Variants in PTPN14 observed in about 807,000 individuals in gnomAD.
PTPN14 encodes the protein protein tyrosine phosphatase non-receptor type 14.
In PTPN14, 53 loss-of-function variants were observed where a neutral mutation model predicts 126.8. That is an observed-to-expected ratio of 0.42 (90% CI 0.34 to 0.53). The LOEUF (loss-of-function observed/expected upper bound fraction) is 0.53, where lower values mean the gene tolerates loss of function less well. Ranked by LOEUF, PTPN14 falls within the 20% of genes least tolerant of loss-of-function variation. PTPN14 has a pLI of 0.08. For synonymous variants in PTPN14, 630 were observed against 599.3 expected (o/e 1.05, Z -0.75); for missense variants, 1,257 against 1,552.9 (o/e 0.81, Z 3.20).
intron 1 of PTPN14, among the ~76,000 whole-genome samples, chr1:214,486,110 G>T (rs894158873): frequency 6.6e-6 from 1 of 152,114 alleles, no homozygotes; most frequent in South Asian, 2.1e-4. Flanking sequence ...TACTCTGCAG[G>T]CAGGGGTAGA....
At chr1:214,415,107 GCATTCTAGAAACACATCA>G (rs1358233064) in intron 3 of PTPN14, among the ~76,000 whole-genome samples, 1 of 152,200 alleles carries the variant, frequency 6.6e-6, no homozygotes. Flanking sequence ...GTTCCTGAAT[GCATTCTAGAAACACATCA>G]CCTTTCAAAC....
At chr1:214,463,172 G>GTGAC (rs1660549793) in intron 2 of PTPN14, among the ~76,000 whole-genome samples, 1 of 152,180 alleles carries the variant, frequency 6.6e-6, no homozygotes, top group Admixed American at 6.5e-5. Flanking sequence ...TCTAATTTGA[G>GTGAC]TGACTGGAAG....
chr1:214,428,770 C>T (rs1028918189), intron 3 of PTPN14, among the ~76,000 whole-genome samples: 3 of 152,128 alleles, frequency 2.0e-5, no homozygotes, highest in African/African-American at 7.2e-5. Context: ...CTGGAAGGCC[C>T]AAATAAAGGG....
chr1:214,476,639 G>A (rs915581290), intron 1 of PTPN14, among the ~76,000 whole-genome samples: 48 of 152,072 alleles, frequency 3.2e-4, no homozygotes, highest in African/African-American at 1.0e-3. Context: ...AGCTTCCCTG[G>A]GAATGTCGCC....
chr1:214,355,561 A>G lies in PTPN14; in HGVS notation c.*2361T>C, dbSNP rs532643926. ...TAATGGGTTTCTTTCCAGGACATAC[A>G]ACAAAACTCCAGAATCTACAAAGAT... is the stretch of plus-strand genomic sequence containing the variant. On this transcript the variant is annotated 3_prime_UTR_variant, in exon 19 of 19. Transcript: ENST00000366956. 6.6e-6 allele frequency: 1 copy of G among 152,316 alleles called. No individual in the cohort carries two copies. Among genetic ancestry groups the G allele is most frequent in the African/African-American group, 2.4e-5 (1 of 41,574 alleles). 9.4% of individuals were successfully genotyped at this position (152,316 alleles called of 1,614,324 possible).
At chr1:214,379,767 T>C (rs1658430294) in intron 13 of PTPN14, among the ~76,000 whole-genome samples, 1 of 152,210 alleles carries the variant, frequency 6.6e-6, no homozygotes, top group African/African-American at 2.4e-5. Flanking sequence ...CTACTTCAAG[T>C]CTTCCTGCCT....
At chr1:214,485,812 G>A (rs1018879212) in intron 1 of PTPN14, among the ~76,000 whole-genome samples, 2 of 151,686 alleles carry the variant, frequency 1.3e-5, no homozygotes, top group Non-Finnish European at 2.9e-5. Context: ...TGCAAGCTCC[G>A]CCTCCCGGGT....
intron 1 of PTPN14, among the ~76,000 whole-genome samples, chr1:214,535,636 G>A (rs1173879665): frequency 7.2e-5 from 11 of 151,930 alleles, no homozygotes; most frequent in African/African-American, 2.2e-4. Context: ...AAAATTAGCC[G>A]GGCCTGGTGG....
chr1:214,518,919 G>A (rs1394386026), intron 1 of PTPN14, among the ~76,000 whole-genome samples: 2 of 152,164 alleles, frequency 1.3e-5, no homozygotes, highest in East Asian at 1.9e-4. Flanking sequence ...TTTTAGGTAT[G>A]TTGGCTTTAA....
At chr1:214,432,397 C>T (rs1659816110) in intron 3 of PTPN14, among the ~76,000 whole-genome samples, 2 of 152,162 alleles carry the variant, frequency 1.3e-5, no homozygotes, top group South Asian at 4.1e-4. Context: ...CTTTTCATTT[C>T]GCTGGCAGTA....
At chr1:214,380,629 C>A (rs975014694) in intron 13 of PTPN14, among the ~76,000 whole-genome samples, 2 of 152,198 alleles carry the variant, frequency 1.3e-5, no homozygotes, top group Non-Finnish European at 2.9e-5. Flanking sequence ...ACCATACCTG[C>A]ACACCCCGCC....
intron 3 of PTPN14, among the ~76,000 whole-genome samples, chr1:214,444,738 G>C (rs796751175): frequency 1.3e-5 from 2 of 152,146 alleles, no homozygotes; most frequent in African/African-American, 4.8e-5. Context: ...CACACACACA[G>C]AGAGACACAC....
At chr1:214,425,700 T>G (rs1018194063) in intron 3 of PTPN14, among the ~76,000 whole-genome samples, 4 of 152,250 alleles carry the variant, frequency 2.6e-5, no homozygotes, top group African/African-American at 7.2e-5. Context: ...TCAAAAGCTT[T>G]GGAAGAACTG....
At chr1:214,503,858 A>G (rs1321661771) in intron 1 of PTPN14, among the ~76,000 whole-genome samples, 2 of 152,178 alleles carry the variant, frequency 1.3e-5, no homozygotes, top group Non-Finnish European at 2.9e-5. Context: ...CTTTTTGTTT[A>G]TTTATTTTAG....
chr1:214,375,860 C>T lies in PTPN14; in HGVS notation c.2907+359G>A, dbSNP rs889695964. ...ACATGACACTTTTATGTCAGTAACG[C>T]AATACCTGTAACTTCCAAAGTCTCC... On this transcript the variant is annotated intron_variant, in intron 15 of 18. Coordinates refer to ENST00000366956, the MANE Select transcript of PTPN14 (RefSeq NM_005401.5). 2.6e-5 allele frequency among the ~76,000 whole-genome samples: 4 copies of T among 152,186 alleles called. No individual in the cohort carries two copies. The South Asian group carries it at 8.3e-4, about 32-fold the overall frequency.
chr1:214,452,806 A>G (rs1660300393), intron 2 of PTPN14, among the ~76,000 whole-genome samples: 1 of 152,246 alleles, frequency 6.6e-6, no homozygotes, highest in Non-Finnish European at 1.5e-5. Context: ...ACAATCACCA[A>G]AAAATAGATC....
chr1:214,381,611 A>G (rs1273400626), intron 13 of PTPN14, among the ~76,000 whole-genome samples: 1 of 152,264 alleles, frequency 6.6e-6, no homozygotes, highest in Non-Finnish European at 1.5e-5. Context: ...CAAGGTTGCT[A>G]CAGATTCAAT....
chr1:214,359,682 G>A (rs1467368264), intron 18 of PTPN14, among the ~76,000 whole-genome samples: 2 of 151,730 alleles, frequency 1.3e-5, no homozygotes, highest in Non-Finnish European at 2.9e-5. Flanking sequence ...ACCACACCCG[G>A]CTAACTTTTA....
chr1:214,543,472 ATC>A (rs1354604839), intron 1 of PTPN14, among the ~76,000 whole-genome samples: 4 of 152,238 alleles, frequency 2.6e-5, no homozygotes, highest in Non-Finnish European at 4.4e-5. Flanking sequence ...ACATACTGAT[ATC>A]TGTTTAATTT....
Sources: allele counts gnomAD v4.1 joint callset (sites outside exome capture counted in the v4.1 genomes callset), GRCh38; gene constraint gnomAD v4.1.1; transcripts MANE v1.5; gene names NCBI Gene and HGNC (gene_info 2026-07-23, HGNC 2026-07-21).